JAZF1: variants seen among roughly 807,000 people sequenced by gnomAD.
The protein encoded by JAZF1 is JAZF zinc finger 1.
A neutral mutation model predicts 26.4 loss-of-function variants in JAZF1; 8 were observed. The observed-to-expected ratio is 0.30, with a 90% CI of 0.18 to 0.55. The LOEUF (loss-of-function observed/expected upper bound fraction) is 0.55. JAZF1 is among the 20% of genes least tolerant of loss of function. The pLI, the probability that JAZF1 is intolerant of heterozygous loss-of-function variation, is 0.94. For synonymous variants in JAZF1, 126 were observed against 122.3 expected (o/e 1.03, Z -0.20); for missense variants, 199 against 322.0 (o/e 0.62, Z 2.92).
At chr7:27,972,409 C>T (rs1049926756) in intron 2 of JAZF1, among the ~76,000 whole-genome samples, 5 of 152,098 alleles carry the variant, frequency 3.3e-5, no homozygotes, top group African/African-American at 9.7e-5. Flanking sequence ...GGCAGGAACC[C>T]CAACTCTTTT....
chr7:28,020,921 A>G (rs936956726), intron 1 of JAZF1: 16 of 315,514 alleles, frequency 5.1e-5, no homozygotes, highest in Non-Finnish European at 8.1e-5. Context: ...GTCAGGAAAT[A>G]GAAAAGTAAC....
At chr7:27,990,336 T>A (rs1785875351) in intron 2 of JAZF1, among the ~76,000 whole-genome samples, 1 of 151,894 alleles carries the variant, frequency 6.6e-6, no homozygotes, top group Non-Finnish European at 1.5e-5. Context: ...CTAATGTAAA[T>A]GACCAGTTAA....
At chr7:28,161,512 A>T (rs952221909) in intron 1 of JAZF1, among the ~76,000 whole-genome samples, 3 of 152,192 alleles carry the variant, frequency 2.0e-5, no homozygotes, top group Admixed American at 2.0e-4. Flanking sequence ...CCTTGTTATT[A>T]AGGAAGTACA....
intron 3 of JAZF1, among the ~76,000 whole-genome samples, chr7:27,861,519 T>A (rs933898992): frequency 6.6e-6 from 1 of 150,640 alleles, no homozygotes; most frequent in Non-Finnish European, 1.5e-5. Flanking sequence ...TGCCATCACC[T>A]GTTTTAATTT....
At chr7:27,874,554 CGAACCTTA>C (rs1363859004) in intron 3 of JAZF1, among the ~76,000 whole-genome samples, 1 of 152,086 alleles carries the variant, frequency 6.6e-6, no homozygotes, top group Non-Finnish European at 1.5e-5. Context: ...GACAGACATC[CGAACCTTA>C]GATCCTTATG....
chr7:28,038,701 A>C (rs1314995381), intron 1 of JAZF1, among the ~76,000 whole-genome samples: 1 of 152,204 alleles, frequency 6.6e-6, no homozygotes, highest in Non-Finnish European at 1.5e-5. Context: ...ACTGAAAGTC[A>C]AAACCCAACC....
At chr7:28,064,431 A>G (rs1196127343) in intron 1 of JAZF1, among the ~76,000 whole-genome samples, 1 of 152,178 alleles carries the variant, frequency 6.6e-6, no homozygotes, top group East Asian at 1.9e-4. Flanking sequence ...AGAAAAGAAC[A>G]AAAAGAAATG....
chr7:28,082,551 C>T (rs139270653), intron 1 of JAZF1, among the ~76,000 whole-genome samples: 1 of 152,272 alleles, frequency 6.6e-6, no homozygotes, highest in East Asian at 1.9e-4. Context: ...TCCTCCAGCT[C>T]CAGCTGCCTA....
intron 1 of JAZF1, among the ~76,000 whole-genome samples, chr7:28,177,977 C>G (rs911991734): frequency 1.3e-5 from 2 of 152,210 alleles, no homozygotes; most frequent in Non-Finnish European, 2.9e-5. Context: ...GTTTGAGCCT[C>G]TTCATCCTGG....
intron 2 of JAZF1, among the ~76,000 whole-genome samples, chr7:27,950,271 A>G (rs1784987300): frequency 6.6e-6 from 1 of 152,248 alleles, no homozygotes; most frequent in Non-Finnish European, 1.5e-5. Context: ...ATACAGTCTG[A>G]TGTCAGAGCA....
At chr7:28,032,393 CTTTG>C (rs1484836761) in intron 1 of JAZF1, among the ~76,000 whole-genome samples, 1 of 152,092 alleles carries the variant, frequency 6.6e-6, no homozygotes, top group Non-Finnish European at 1.5e-5. Flanking sequence ...TACTGGCTTT[CTTTG>C]TAAGACTCAC....
intron 1 of JAZF1, among the ~76,000 whole-genome samples, chr7:28,172,183 G>A (rs1225311747): frequency 6.6e-6 from 1 of 152,090 alleles, no homozygotes; most frequent in Non-Finnish European, 1.5e-5. Context: ...TTTCCACAGG[G>A]CAGAAAGATG....
intron 1 of JAZF1, among the ~76,000 whole-genome samples, chr7:28,098,160 G>C (rs889568200): frequency 6.6e-6 from 1 of 152,070 alleles, no homozygotes; most frequent in African/African-American, 2.4e-5. Context: ...CTCTGGATGG[G>C]ATTAGTGCCC....
intron 1 of JAZF1, among the ~76,000 whole-genome samples, chr7:28,110,604 AAAAGGAAAGGAAAAGG>A (rs1459401977): frequency 3.7e-5 from 4 of 109,180 alleles, no homozygotes; most frequent in Admixed American, 1.0e-4. Context: ...AAGGAAAAGG[AAAAGGAAAGGAAAAGG>A]AAAGGAAAGG....
rs975817660 is a variant in JAZF1 at position 28,153,189 on chromosome 7, C to T, written c.115+27274G>A. 2.6e-5 allele frequency among the ~76,000 whole-genome samples: 4 copies of T among 152,084 alleles called. No individual in the cohort carries two copies. In the South Asian group the frequency reaches 8.3e-4, roughly 31 times the overall value. ...CCAAGGGTACACTACTTGGTTTGCTCATCTTGGAGCATACAGTTCTTAACA... is the reference window on the plus strand; with the variant it reads ...CCAAGGGTACACTACTTGGTTTGCTTATCTTGGAGCATACAGTTCTTAACA... On this transcript the variant is annotated intron_variant, in intron 1 of 4. Coordinates refer to ENST00000283928, the MANE Select transcript of JAZF1 (RefSeq NM_175061.4).
intron 1 of JAZF1, among the ~76,000 whole-genome samples, chr7:28,014,878 A>G (rs573945855): frequency 6.6e-6 from 1 of 152,336 alleles, no homozygotes; most frequent in East Asian, 1.9e-4. Context: ...AGGGAGTGGC[A>G]TAAAGATGGT....
chr7:27,971,291 C>A (rs1034828332), intron 2 of JAZF1, among the ~76,000 whole-genome samples: 2 of 152,120 alleles, frequency 1.3e-5, no homozygotes, highest in African/African-American at 4.8e-5. Context: ...ACAGGCCAGA[C>A]GGGAGAGCTC....
At chr7:27,922,707 A>C (rs1251351639) in intron 2 of JAZF1, among the ~76,000 whole-genome samples, 5 of 152,186 alleles carry the variant, frequency 3.3e-5, no homozygotes, top group Non-Finnish European at 7.3e-5. Context: ...GAGAGTATTA[A>C]TTTAAAAGAG....
At position 27,840,031 on chromosome 7, in the gene JAZF1, G is replaced by A. The variant is rs1032695850; in HGVS notation, c.555+667C>T. Among the ~76,000 whole-genome samples the A allele has an allele frequency of 3.9e-5, 6 of 152,178 alleles. No individual in the cohort carries two copies. The highest frequency in any genetic ancestry group is 6.5e-5 in the Admixed American group (1 of 15,280). On this transcript the variant is annotated intron_variant, in intron 4 of 4. Coordinates refer to ENST00000283928, the MANE Select transcript of JAZF1 (RefSeq NM_175061.4). The surrounding 1 kb of genome is among the most constrained non-coding windows in gnomAD (Gnocchi z 5.1). ...ATACTTGACTATTGTGCTGTTTCTC[G>A]TTGTTTTGTCCCTGTTCCTTATTAG...
Sources: gnomAD v4.1 joint callset for allele counts (sites outside exome capture counted in the v4.1 genomes callset) on GRCh38, gnomAD v4.1.1 for gene constraint, Gnocchi (gnomAD v3.1) non-coding constraint, MANE v1.5 for transcripts, NCBI Gene and HGNC (gene_info 2026-07-23, HGNC 2026-07-21) for gene names.